ZZEF1: variants seen among roughly 807,000 people sequenced by gnomAD.
ZZEF1 encodes zinc finger ZZ-type and EF-hand domain containing 1.
Under a neutral mutation model 342.8 loss-of-function variants are expected in ZZEF1, and 157 were observed. The ratio of observed to expected loss-of-function variants is 0.46; its 90% confidence interval spans 0.40 to 0.52. The LOEUF (loss-of-function observed/expected upper bound fraction) is 0.52. Among genes scored for constraint, ZZEF1 ranks in the 20% least tolerant of loss-of-function variants. The pLI, the probability that ZZEF1 is intolerant of heterozygous loss-of-function variation, is 0.00. For synonymous variants in ZZEF1, 1,505 were observed against 1,429.1 expected, an observed-to-expected ratio of 1.05 and a Z score of -1.20; for missense variants, 3,480 against 3,725.6, an observed-to-expected ratio of 0.93 and a Z score of 1.72.
chr17:4,041,924 GA>G (rs1237375364), intron 39 of ZZEF1, among the ~76,000 whole-genome samples: 1 of 151,962 alleles, frequency 6.6e-6, no homozygotes, highest in African/African-American at 2.4e-5. Flanking sequence ...GGATAATTGG[GA>G]ATATCTGTAT....
chr17:4,106,388 T>C (rs185172860), intron 6 of ZZEF1, among the ~76,000 whole-genome samples: 1 of 152,026 alleles, frequency 6.6e-6, no homozygotes, highest in East Asian at 1.9e-4. Context: ...CCAGCTTTCA[T>C]GTTAAGTAGT....
At chr17:4,106,587 G>A (rs781436268) in intron 6 of ZZEF1, among the ~76,000 whole-genome samples, 65 of 151,958 alleles carry the variant, frequency 4.3e-4, no homozygotes, top group Non-Finnish European at 6.9e-4. Context: ...GCACATCACC[G>A]TCTCCATTCC....
chr17:4,049,809 G>C lies in ZZEF1; in HGVS notation c.5914C>G (p.Leu1972Val). 6.2e-7 allele frequency: 1 copy of C among 1,614,150 alleles called. No individual in the cohort carries two copies. The change falls in exon 37 of 55, where the codon CTA becomes GTA. Residue 1972 changes from leucine to valine, a missense_variant. Physicochemically the swap from Leu to Val is conservative, Grantham distance 32. Transcript: ENST00000381638. The stretch of plus-strand genomic sequence containing the variant: ...GTGACTGGTAGGGCCTGATCTTCTA[G>C]GCTCGAGTCCCCATCTGGCAATACA... ...LGVLPDGDSS[L>V]EDQALPVTVP...
intron 13 of ZZEF1, among the ~76,000 whole-genome samples, chr17:4,088,263 T>C (rs1311833665): frequency 6.6e-6 from 1 of 152,242 alleles, no homozygotes; most frequent in African/African-American, 2.4e-5. Context: ...AAAATCATTT[T>C]TGATTCGAAA....
chr17:4,078,978 C>A (rs1182595002), intron 18 of ZZEF1, among the ~76,000 whole-genome samples: 1 of 152,164 alleles, frequency 6.6e-6, no homozygotes, highest in Non-Finnish European at 1.5e-5. Context: ...ATAGCTGCAT[C>A]TCTAGCAAGG....
rs775091209 is a variant in ZZEF1, at chr17:4,032,181, A to G, written c.6837T>C (p.Phe2279=). 1.9e-6 allele frequency: 3 copies of G among 1,614,132 alleles called. No homozygotes were observed. Among genetic ancestry groups the G allele is most frequent in the Admixed American group, 1.7e-5 (1 of 60,004 alleles). ...CAATCACAGCCCTGTTCTTCTCAGTAAAGTGCTTCAAGATGATCACATTAT... is the reference window on the plus strand; with the variant it reads ...CAATCACAGCCCTGTTCTTCTCAGTGAAGTGCTTCAAGATGATCACATTAT... ...EPHNVIILKH[F]TEKNRAVIVD... Residue 2279 remains phenylalanine (F), a synonymous_variant, in exon 42 of 55, where the codon TTT becomes TTC. Transcript: ENST00000381638.
chr17:4,111,087 C>A (rs1041563430), intron 5 of ZZEF1, among the ~76,000 whole-genome samples: 2 of 152,108 alleles, frequency 1.3e-5, no homozygotes, highest in African/African-American at 4.8e-5. Context: ...TACAAAAGAA[C>A]ATGCAAAGAA....
intron 32 of ZZEF1, 88 bp downstream of exon 32, chr17:4,057,906 C>T (rs12938597): frequency 0.18 from 243,899 of 1,354,882 alleles, 22,934 homozygotes; most frequent in East Asian, 0.22. Context: ...AGTCTAGCTC[C>T]GGAGTCTGTG....
intron 5 of ZZEF1, among the ~76,000 whole-genome samples, chr17:4,111,790 C>T (rs906505232): frequency 4.2e-5 from 6 of 143,218 alleles, no homozygotes; most frequent in African/African-American, 1.3e-4. Context: ...ATAATCCCAA[C>T]GTTTTGGGAG....
intron 25 of ZZEF1, among the ~76,000 whole-genome samples, chr17:4,072,125 A>G (rs1046341118): frequency 2.0e-5 from 3 of 152,114 alleles, no homozygotes; most frequent in African/African-American, 7.2e-5. Flanking sequence ...TAACTACTGA[A>G]TAACGTGGGG....
chr17:4,142,815 C>T lies in ZZEF1; in HGVS notation c.81G>A (p.Trp27Ter), dbSNP rs2058889809. The T allele has an allele frequency of 2.8e-6, 4 of 1,410,172 alleles. No individual in the cohort carries two copies. Among genetic ancestry groups the T allele is most frequent in the African/African-American group, 1.5e-5 (1 of 65,960 alleles). The allele number at this position is 1,410,172 out of a possible 1,614,324, so 87.4% of individuals were successfully genotyped here. The change falls in exon 1 of 55, where the codon TGG (tryptophan) becomes TGA (stop). Residue 27 changes from tryptophan (W) to a stop codon, truncating the protein, a stop_gained. Transcript: ENST00000381638. LOFTEE classifies it high-confidence loss of function. The stretch of plus-strand genomic sequence containing the variant: ...CGGGGGTCGTGCCCGAGACCGCGGC[C>T]CAGTCCTGGTGTGGGCCCCAGCCCT... Reference protein sequence around the residue: ...GGEGWGPHQDWAAVSGTTPGP... With the variant: ...GGEGWGPHQD
chr17:4,096,412 A>G (rs947606091), intron 10 of ZZEF1, among the ~76,000 whole-genome samples, 197 bp downstream of exon 10: 1 of 152,236 alleles, frequency 6.6e-6, no homozygotes, highest in African/African-American at 2.4e-5. Context: ...CAACAGTGTA[A>G]TGGATTGTTT....
intron 9 of ZZEF1, among the ~76,000 whole-genome samples, chr17:4,098,241 CAA>C (rs61342066): frequency 0.51 from 52,576 of 103,324 alleles, 13,094 homozygotes; most frequent in East Asian, 0.72. Context: ...GACTCCAACT[CAA>C]AAAAAAAAAA....
Position 4,062,785 on chromosome 17 carries a change from C to T in ZZEF1, c.4851G>A (p.Leu1617=), listed in dbSNP as rs958174838. 6.2e-7 allele frequency: 1 copy of T among 1,611,100 alleles called. No individual in the cohort carries two copies. Among genetic ancestry groups the T allele is most frequent in the African/African-American group, 1.3e-5 (1 of 74,856 alleles). The change falls in exon 30 of 55, where the codon TTG becomes TTA. Residue 1617 remains leucine, a synonymous_variant. Coordinates refer to ENST00000381638, the MANE Select transcript of ZZEF1 (RefSeq NM_015113.4). The stretch of plus-strand genomic sequence containing the variant: ...AATCTTTCTGACAGGTCAGAAGTTC[C>T]AACAGGAAAAGTATGAAAGGTGGAT... ...CFHPPFILFL[L]ELLTCQKDFT... is the part of the protein sequence containing the mutation.
At position 4,009,715 on chromosome 17, in the gene ZZEF1, G is replaced by A; in HGVS notation, c.8622C>T (p.Leu2874=). The A allele has an allele frequency of 1.9e-6, 3 of 1,614,132 alleles. No individual in the cohort carries two copies. Among genetic ancestry groups the A allele is most frequent in the Non-Finnish European group, 2.5e-6 (3 of 1,180,030 alleles). Reference sequence around the variant, plus strand: ...ACAGGCCGTACTCCATGTGGGTAAAGAGCTGCCACAGGGGCTTCAACAGCG... The same window carrying A: ...ACAGGCCGTACTCCATGTGGGTAAAAAGCTGCCACAGGGGCTTCAACAGCG... ...DLALLKPLWQ[L]FTHMEYGLFE... is the part of the protein sequence containing the mutation. Residue 2874 remains leucine (L), a synonymous_variant, in exon 53 of 55, where the codon CTC becomes CTT. Transcript: ENST00000381638.
At position 4,117,108 on chromosome 17, in the gene ZZEF1, T is replaced by C; in HGVS notation, c.558A>G (p.Ile186Met). 1.9e-6 allele frequency: 3 copies of C among 1,614,176 alleles called. No individual in the cohort carries two copies. The highest frequency in any genetic ancestry group is 2.5e-6 in the Non-Finnish European group (3 of 1,180,024). Reference protein sequence around the residue: ...KEGLDIHSSMILRFLHRNRLS... With the variant: ...KEGLDIHSSMMLRFLHRNRLS... ...GCCGATTGCGGTGCAGGAAGCGCAGTATCATTGACGAGTGAATATCAAGGC... is the reference window on the plus strand; with the variant it reads ...GCCGATTGCGGTGCAGGAAGCGCAGCATCATTGACGAGTGAATATCAAGGC... The change falls in exon 3 of 55, where the codon ATA (isoleucine) becomes ATG (methionine). Residue 186 changes from isoleucine to methionine, a missense_variant. This residue lies in a region of ZZEF1 where 416 missense variants were observed against 374.2 expected (regional missense o/e 1.11). Transcript: ENST00000381638.
At chr17:4,130,992 T>A (rs1017317621) in intron 1 of ZZEF1, among the ~76,000 whole-genome samples, 58 of 152,322 alleles carry the variant, frequency 3.8e-4, no homozygotes, top group African/African-American at 1.4e-3. Flanking sequence ...TGCCACATTC[T>A]GGGGCGTGCC....
chr17:4,112,092 A>ATGTTT (rs370477634), intron 5 of ZZEF1, among the ~76,000 whole-genome samples: 10 of 43,740 alleles, frequency 2.3e-4, no homozygotes, highest in South Asian at 6.8e-4. Context: ...ATATATATAT[A>ATGTTT]TGTTTTGTTT....
chr17:4,100,251 AG>A (rs551091096), intron 9 of ZZEF1, among the ~76,000 whole-genome samples: 36 of 152,284 alleles, frequency 2.4e-4, no homozygotes, highest in South Asian at 1.9e-3. Flanking sequence ...TTGTCCCTTA[AG>A]GGTTACTTTT....
Sources: allele counts gnomAD v4.1 joint callset (sites outside exome capture counted in the v4.1 genomes callset), GRCh38; gene constraint gnomAD v4.1.1; regional missense constraint gnomAD v4.1.1; transcripts MANE v1.5; gene names NCBI Gene and HGNC (gene_info 2026-07-23, HGNC 2026-07-21).